TMEM163: variants seen among roughly 807,000 people sequenced by gnomAD.
TMEM163 encodes transmembrane protein 163.
In TMEM163, 17 loss-of-function variants were observed where a neutral mutation model predicts 29.3. The observed-to-expected ratio is 0.58, with a 90% CI of 0.40 to 0.87. TMEM163 has a LOEUF of 0.87. TMEM163 is among the 40% of genes least tolerant of loss of function. The pLI is 0.00. For synonymous variants in TMEM163, 157 were observed against 160.6 expected, an observed-to-expected ratio of 0.98 and a Z score of 0.17; for missense variants, 303 against 381.5, an observed-to-expected ratio of 0.79 and a Z score of 1.71.
chr2:134,677,916 G>A (rs1045511585), intron 2 of TMEM163, among the ~76,000 whole-genome samples: 2 of 152,308 alleles, frequency 1.3e-5, no homozygotes, highest in Middle Eastern at 3.4e-3. Flanking sequence ...TCCACATACA[G>A]TTTGACAGTA....
chr2:134,676,340 C>A (rs920067092), intron 2 of TMEM163, among the ~76,000 whole-genome samples: 4 of 152,200 alleles, frequency 2.6e-5, no homozygotes, highest in African/African-American at 9.7e-5. Context: ...AGGCCTGAAT[C>A]TCCACTCATT....
intron 5 of TMEM163, among the ~76,000 whole-genome samples, chr2:134,496,666 G>A (rs1268432707): frequency 1.3e-5 from 2 of 152,192 alleles, no homozygotes; most frequent in Non-Finnish European, 2.9e-5. Context: ...TGGTTCTAGT[G>A]AATGGGAAGG....
intron 2 of TMEM163, among the ~76,000 whole-genome samples, chr2:134,563,804 C>T (rs1485491703): frequency 6.6e-6 from 1 of 152,112 alleles, no homozygotes; most frequent in Non-Finnish European, 1.5e-5. Context: ...CCTGTAATCC[C>T]AGCACTTTGG....
At chr2:134,461,082 G>A (rs1197135192) in intron 6 of TMEM163, among the ~76,000 whole-genome samples, 1 of 152,222 alleles carries the variant, frequency 6.6e-6, no homozygotes, top group Admixed American at 6.5e-5. Flanking sequence ...CCAGCAGGCA[G>A]GCCCTGCCGT....
chr2:134,713,143 A>T (rs1684961497), intron 2 of TMEM163, 57 bp downstream of exon 2: 1 of 1,582,638 alleles, frequency 6.3e-7, no homozygotes, highest in Non-Finnish European at 8.5e-7. Context: ...CACAGGAATT[A>T]GAGAATAAAA....
At chr2:134,503,718 A>G (rs664181) in intron 4 of TMEM163, among the ~76,000 whole-genome samples, 60,706 of 151,986 alleles carry the variant, frequency 0.4, 12,308 homozygotes, top group South Asian at 0.59. Flanking sequence ...CACTCAGCAC[A>G]GGCGGAGGCA....
chr2:134,629,076 G>A (rs1366881513), intron 2 of TMEM163, among the ~76,000 whole-genome samples: 1 of 152,152 alleles, frequency 6.6e-6, no homozygotes, highest in Non-Finnish European at 1.5e-5. Context: ...TGATGCGCCA[G>A]GTCTTACCTA....
At chr2:134,538,681 C>G (rs1455052339) in intron 4 of TMEM163, among the ~76,000 whole-genome samples, 1 of 152,186 alleles carries the variant, frequency 6.6e-6, no homozygotes, top group Non-Finnish European at 1.5e-5. Context: ...GCTGACGACA[C>G]TATGCTGAGT....
In TMEM163 at chr2:134,460,492, C is replaced by T. The variant is rs566841656; in HGVS notation, c.668-2319G>A. ...GAACTTTGTCTCTCCTTGCAGTATT[C>T]GAAGTCCCAGGACAGGGCCTGGCAT... On this transcript the variant is annotated intron_variant, in intron 6 of 7. Coordinates refer to ENST00000281924, the MANE Select transcript of TMEM163 (RefSeq NM_030923.5). This position sits in a 1 kb window ranked among gnomAD's most constrained non-coding sequence, Gnocchi z 4.3. 1.4e-4 allele frequency among the ~76,000 whole-genome samples: 22 copies of T among 152,290 alleles called. No individual in the cohort carries two copies. In the East Asian group the frequency reaches 2.9e-3, roughly 20 times the overall value.
At position 134,495,974 on chromosome 2, in the gene TMEM163, G is replaced by A. The variant is rs924218807; in HGVS notation, c.555+6927C>T. Among the ~76,000 whole-genome samples the A allele has an allele frequency of 5.3e-5, 8 of 152,264 alleles. No individual in the cohort carries two copies. In the South Asian group the frequency reaches 6.2e-4, roughly 12 times the overall value. On this transcript the variant is annotated intron_variant, in intron 5 of 7. Coordinates refer to ENST00000281924, the MANE Select transcript of TMEM163 (RefSeq NM_030923.5). ...AAGCTCCCATCCTATGTTATAGAAC[G>A]GAGGACTCCCCAATTCATCCACCAT...
chr2:134,639,420 T>C (rs1424594869), intron 2 of TMEM163, among the ~76,000 whole-genome samples: 1 of 152,240 alleles, frequency 6.6e-6, no homozygotes, highest in African/African-American at 2.4e-5. Flanking sequence ...TAGCCCACTG[T>C]GTAGTACTGC....
chr2:134,606,780 G>C (rs150921347), intron 2 of TMEM163, among the ~76,000 whole-genome samples: 1 of 152,316 alleles, frequency 6.6e-6, no homozygotes, highest in African/African-American at 2.4e-5. Context: ...ATGTCACAAA[G>C]AATTCAGGGA....
chr2:134,577,964 C>T (rs541442155), intron 2 of TMEM163, among the ~76,000 whole-genome samples: 3 of 152,176 alleles, frequency 2.0e-5, no homozygotes, highest in Admixed American at 1.3e-4. Context: ...AAAATACTAT[C>T]CCATTTCACA....
intron 4 of TMEM163, among the ~76,000 whole-genome samples, chr2:134,532,127 C>T (rs892421621): frequency 4.6e-5 from 7 of 152,332 alleles, no homozygotes; most frequent in Non-Finnish European, 8.8e-5. Flanking sequence ...GCATTCAGCA[C>T]GAGACCATAA....
intron 3 of TMEM163, 40 bp downstream of exon 3, chr2:134,552,008 A>C: frequency 6.3e-7 from 1 of 1,598,368 alleles, no homozygotes; most frequent in Non-Finnish European, 8.6e-7. Flanking sequence ...TTATGAAAAA[A>C]CGTGCAAAAC....
intron 2 of TMEM163, among the ~76,000 whole-genome samples, chr2:134,639,398 C>T (rs1574300783): frequency 1.3e-5 from 2 of 152,226 alleles, no homozygotes; most frequent in African/African-American, 4.8e-5. Context: ...GAGATTCTGA[C>T]CATCTGAAAA....
At chr2:134,645,438 A>C (rs1357843842) in intron 2 of TMEM163, among the ~76,000 whole-genome samples, 1 of 152,222 alleles carries the variant, frequency 6.6e-6, no homozygotes, top group Non-Finnish European at 1.5e-5. Flanking sequence ...GATACTTACT[A>C]TCTGGCCCTT....
chr2:134,633,759 C>T (rs1463675464), intron 2 of TMEM163, among the ~76,000 whole-genome samples: 2 of 151,618 alleles, frequency 1.3e-5, no homozygotes, highest in African/African-American at 4.8e-5. Context: ...GTCAGGAGTT[C>T]GAGACCAGAC....
intron 2 of TMEM163, among the ~76,000 whole-genome samples, chr2:134,697,302 A>G (rs1044207128): frequency 2.6e-5 from 4 of 152,038 alleles, no homozygotes; most frequent in African/African-American, 4.8e-5. Context: ...TTCATTTTAG[A>G]TTTTTATGGG....
Sources: allele counts gnomAD v4.1 joint callset (sites outside exome capture counted in the v4.1 genomes callset), GRCh38; gene constraint gnomAD v4.1.1; non-coding constraint Gnocchi (gnomAD v3.1); transcripts MANE v1.5; gene names NCBI Gene and HGNC (gene_info 2026-07-23, HGNC 2026-07-21).